Variants in UGGT2 observed in about 807,000 individuals in gnomAD.
UGGT2 encodes UDP-glucose glycoprotein glucosyltransferase 2.
A neutral mutation model predicts 192.1 loss-of-function variants in UGGT2; 180 were observed. The observed-to-expected ratio is 0.94, with a 90% CI of 0.83 to 1.06. The LOEUF is 1.06. Ranked by LOEUF, UGGT2 falls within the 50% of genes least tolerant of loss-of-function variation. The pLI is 0.00. For missense variants in UGGT2, 1,849 were observed against 1,795.7 expected (o/e 1.03, Z -0.54); for synonymous variants, 580 against 591.0 (o/e 0.98, Z 0.27).
At chr13:95,998,044 T>G (rs2051680968) in intron 6 of UGGT2, among the ~76,000 whole-genome samples, 1 of 152,108 alleles carries the variant, frequency 6.6e-6, no homozygotes, top group African/African-American at 2.4e-5. Flanking sequence ...ATTAATCTGT[T>G]TTGAGGGGTG....
Position 95,801,704 on chromosome 13 carries a change from A to G in UGGT2, c.*86T>C. On this transcript the variant is annotated 3_prime_UTR_variant, in exon 39 of 39. Transcript: ENST00000376747. Reference sequence around the variant, plus strand: ...GTCACTGATCTTAACGAGACTTCCAAATCGTCTCAGCAGGGGCTCCAGACT... The same window carrying G: ...GTCACTGATCTTAACGAGACTTCCAGATCGTCTCAGCAGGGGCTCCAGACT... The G allele has an allele frequency of 7.1e-7, 1 of 1,399,578 alleles. No individual in the cohort carries two copies. The highest frequency in any genetic ancestry group is 2.3e-5 in the East Asian group (1 of 43,364). 86.7% of individuals were successfully genotyped at this position (1,399,578 alleles called of 1,614,324 possible).
chr13:95,884,080 A>AC (rs1274951707), intron 27 of UGGT2, among the ~76,000 whole-genome samples: 2 of 147,350 alleles, frequency 1.4e-5, no homozygotes, highest in African/African-American at 5.1e-5. Flanking sequence ...AAAAAAAAAA[A>AC]AAAAAACCAA....
intron 12 of UGGT2, among the ~76,000 whole-genome samples, chr13:95,962,215 T>C (rs759986288): frequency 2.0e-5 from 3 of 150,552 alleles, no homozygotes; most frequent in Non-Finnish European, 4.4e-5. Flanking sequence ...CAGAAAAAAA[T>C]AAATAAGATC....
At chr13:95,802,757 A>G (rs1238507191) in intron 38 of UGGT2, among the ~76,000 whole-genome samples, 2 of 151,836 alleles carry the variant, frequency 1.3e-5, no homozygotes, top group Non-Finnish European at 2.9e-5. Flanking sequence ...TCCCCACCCC[A>G]CTCTCATTCT....
chr13:95,892,609 T>G (rs1009451203), intron 24 of UGGT2, among the ~76,000 whole-genome samples: 3 of 152,142 alleles, frequency 2.0e-5, no homozygotes, highest in East Asian at 1.9e-4. Context: ...AAACTCTGAG[T>G]TGAATTTTGT....
At chr13:95,976,650 T>C (rs1175428470) in intron 10 of UGGT2, among the ~76,000 whole-genome samples, 1 of 152,202 alleles carries the variant, frequency 6.6e-6, no homozygotes, top group African/African-American at 2.4e-5. Flanking sequence ...ATGGATTCAA[T>C]GCTATTCCCA....
intron 38 of UGGT2, among the ~76,000 whole-genome samples, chr13:95,820,107 T>C (rs1250953252): frequency 6.6e-6 from 1 of 152,084 alleles, no homozygotes; most frequent in African/African-American, 2.4e-5. Context: ...GAGCTGAGAC[T>C]GCACCACTGT....
intron 8 of UGGT2, chr13:95,989,453 C>A: frequency 4.4e-6 from 1 of 227,168 alleles, no homozygotes; most frequent in Non-Finnish European, 9.6e-6. Flanking sequence ...CTTAAAAGTT[C>A]AAACCAAATC....
At position 95,934,331 on chromosome 13, in the gene UGGT2, ATATT is replaced by A. The variant is rs567865050; in HGVS notation, c.1977+2589_1977+2592del. On this transcript the variant is annotated intron_variant, in intron 17 of 38. Transcript: ENST00000376747. The stretch of plus-strand genomic sequence containing the variant: ...CTCTGTGTGCAGCTGAAAAGAATAA[ATATT>A]CTGTGGCTGATGGGTGGAATGTTCT... Among the ~76,000 whole-genome samples, 439 of 152,316 alleles carry A rather than the reference ATATT, an allele frequency of 2.9e-3. 1 individual carries two copies. The highest frequency in any genetic ancestry group is 0.01 in the African/African-American group (416 of 41,574).
intron 15 of UGGT2, among the ~76,000 whole-genome samples, chr13:95,943,400 T>G (rs548789073): frequency 4.6e-5 from 7 of 151,976 alleles, no homozygotes; most frequent in Admixed American, 1.3e-4. Context: ...AAACTGACCT[T>G]CCCCCCAGCC....
intron 1 of UGGT2, among the ~76,000 whole-genome samples, chr13:96,046,980 C>T (rs2053332451): frequency 6.6e-6 from 1 of 152,202 alleles, no homozygotes; most frequent in Non-Finnish European, 1.5e-5. Flanking sequence ...GAAGCTTGAA[C>T]TGGGTGGAGC....
intron 4 of UGGT2, among the ~76,000 whole-genome samples, chr13:96,020,508 T>G (rs2052483243): frequency 1.3e-5 from 2 of 152,114 alleles, no homozygotes; most frequent in Non-Finnish European, 1.5e-5. Flanking sequence ...ATTCACAGTA[T>G]AAGCATGTAA....
At chr13:96,042,815 G>GA (rs531036256) in intron 1 of UGGT2, among the ~76,000 whole-genome samples, 10 of 151,834 alleles carry the variant, frequency 6.6e-5, no homozygotes, top group Non-Finnish European at 1.2e-4. Context: ...CAAAGACAAA[G>GA]AAAAAAGGAT....
At chr13:95,888,455 G>C (rs964225442) in intron 25 of UGGT2, among the ~76,000 whole-genome samples, 1 of 152,098 alleles carries the variant, frequency 6.6e-6, no homozygotes, top group Admixed American at 6.6e-5. Flanking sequence ...AATTTTGATA[G>C]TCCCCATCTC....
intron 8 of UGGT2, 128 bp downstream of exon 8, chr13:95,989,845 A>AT: frequency 1.9e-6 from 1 of 540,204 alleles, no homozygotes; most frequent in South Asian, 4.0e-5. Context: ...AAAAATCATA[A>AT]TTTATATTAT....
intron 37 of UGGT2, among the ~76,000 whole-genome samples, chr13:95,835,761 G>A (rs1887212312): frequency 6.6e-6 from 1 of 152,084 alleles, no homozygotes; most frequent in African/African-American, 2.4e-5. Context: ...TAAAGACAAG[G>A]TAGTAGTGGA....
chr13:95,974,756 C>G (rs2050883606), intron 10 of UGGT2, among the ~76,000 whole-genome samples: 2 of 152,172 alleles, frequency 1.3e-5, no homozygotes, highest in Admixed American at 6.6e-5. Flanking sequence ...CAAACATTTT[C>G]TTACTAAAAG....
At chr13:95,945,225 T>C (rs1006730578) in intron 15 of UGGT2, among the ~76,000 whole-genome samples, 12 of 152,098 alleles carry the variant, frequency 7.9e-5, no homozygotes, top group African/African-American at 2.9e-4. Flanking sequence ...TCTTATATTC[T>C]TCTCTCTTTA....
At chr13:95,982,380 G>A (rs763811010) in intron 10 of UGGT2, among the ~76,000 whole-genome samples, 1 of 152,200 alleles carries the variant, frequency 6.6e-6, no homozygotes, top group Non-Finnish European at 1.5e-5. Flanking sequence ...GACCAGGCAT[G>A]TTCAAAACGG....
Sources: gnomAD v4.1 joint callset for allele counts (sites outside exome capture counted in the v4.1 genomes callset) on GRCh38, gnomAD v4.1.1 for gene constraint, MANE v1.5 for transcripts, NCBI Gene and HGNC (gene_info 2026-07-23, HGNC 2026-07-21) for gene names.